The following DPY19L2 variants were observed in gnomAD, a reference collection of about 807,000 sequenced individuals.
DPY19L2 encodes the protein dpy-19 like 2, also known as probable C-mannosyltransferase DPY19L2.
A neutral mutation model predicts 97.9 loss-of-function variants in DPY19L2; 34 were observed. The observed-to-expected ratio is 0.35, with a 90% CI of 0.26 to 0.46. DPY19L2 has a LOEUF of 0.46. Ranked by LOEUF, DPY19L2 falls within the 20% of genes least tolerant of loss-of-function variation. The pLI, the probability that DPY19L2 is intolerant of heterozygous loss-of-function variation, is 1.00. For missense variants in DPY19L2, 623 were observed against 911.4 expected (o/e 0.68, Z 4.07); for synonymous variants, 230 against 307.9 (o/e 0.75, Z 2.65).
At chr12:63,638,069 A>T (rs1211604242) in intron 6 of DPY19L2, among the ~76,000 whole-genome samples, 2 of 152,170 alleles carry the variant, frequency 1.3e-5, no homozygotes, top group Non-Finnish European at 2.9e-5. Flanking sequence ...CAAATCAATA[A>T]ATGTAATCCA....
chr12:63,621,489 A>G, intron 8 of DPY19L2, 152 bp from the exon 9 acceptor site: 1 of 667,470 alleles, frequency 1.5e-6, no homozygotes, highest in South Asian at 1.8e-5. Flanking sequence ...AGTATACTAA[A>G]AAGAACTTGA....
At chr12:63,624,718 T>A (rs1474851421) in intron 7 of DPY19L2, among the ~76,000 whole-genome samples, 1 of 152,200 alleles carries the variant, frequency 6.6e-6, no homozygotes, top group Non-Finnish European at 1.5e-5. Context: ...AATAAAGGTA[T>A]TAAATTTTCA....
chr12:63,590,147 A>T (rs1486775721), intron 16 of DPY19L2, among the ~76,000 whole-genome samples: 1 of 152,010 alleles, frequency 6.6e-6, no homozygotes, highest in Non-Finnish European at 1.5e-5. Context: ...AACAACAACA[A>T]CAAAAACCCA....
rs1885917206 is a variant in DPY19L2 at position 63,605,684 on chromosome 12, C to T, written c.1278+2932G>A. ...AAAATGGCTGATTCCAAGGCTAGCA[C>T]AAGGAAAATCAAGAAAAGCCTGGAG... On this transcript the variant is annotated intron_variant, in intron 12 of 21. Transcript: ENST00000324472. 2.0e-5 allele frequency among the ~76,000 whole-genome samples: 3 copies of T among 151,862 alleles called. No individual in the cohort carries two copies. In the South Asian group the frequency reaches 6.2e-4, roughly 32 times the overall value.
chr12:63,649,440 T>C (rs1893879386), intron 4 of DPY19L2, among the ~76,000 whole-genome samples: 1 of 151,554 alleles, frequency 6.6e-6, no homozygotes, highest in African/African-American at 2.4e-5. Flanking sequence ...GCTAGACTAA[T>C]AAAGAAAAAG....
At chr12:63,604,322 G>A (rs1362625457) in intron 12 of DPY19L2, among the ~76,000 whole-genome samples, 1 of 151,962 alleles carries the variant, frequency 6.6e-6, no homozygotes, top group Admixed American at 6.5e-5. Context: ...GATTTCTCTG[G>A]GTTTGTCTTA....
chr12:63,653,691 C>T (rs1328292090), intron 4 of DPY19L2, among the ~76,000 whole-genome samples: 1 of 152,042 alleles, frequency 6.6e-6, no homozygotes, highest in African/African-American at 2.4e-5. Flanking sequence ...AACAAATCCA[C>T]ACTAAAACAC....
intron 16 of DPY19L2, among the ~76,000 whole-genome samples, chr12:63,592,012 AG>A (rs1207018370): frequency 3.2e-4 from 1 of 3,124 alleles, no homozygotes; most frequent in African/African-American, 1.5e-3. Flanking sequence ...AAGGGAGGGG[AG>A]GGGAGGGGAG....
chr12:63,668,026 C>G (rs1896534083), intron 1 of DPY19L2, 31 bp downstream of exon 1: 2 of 1,585,358 alleles, frequency 1.3e-6, no homozygotes, highest in East Asian at 2.2e-5. Context: ...CCATGCGGCT[C>G]CCTCCTAGGG....
At chr12:63,655,811 T>C (rs1425067497) in intron 4 of DPY19L2, among the ~76,000 whole-genome samples, 1 of 152,112 alleles carries the variant, frequency 6.6e-6, no homozygotes, top group Non-Finnish European at 1.5e-5. Context: ...TGGAGGATGC[T>C]TTCTGAGCAC....
At chr12:63,625,739 C>T (rs1429296199) in intron 7 of DPY19L2, among the ~76,000 whole-genome samples, 1 of 152,076 alleles carries the variant, frequency 6.6e-6, no homozygotes. Flanking sequence ...TGTGTCCCTG[C>T]TGTCAGGCCT....
At chr12:63,562,818 G>A (rs899868730) in intron 21 of DPY19L2, among the ~76,000 whole-genome samples, 15 of 140,194 alleles carry the variant, frequency 1.1e-4, no homozygotes, top group Non-Finnish European at 1.8e-4. Flanking sequence ...TTTTTTCTGA[G>A]ACAAGGTCTT....
At chr12:63,655,921 G>A (rs144097739) in intron 4 of DPY19L2, among the ~76,000 whole-genome samples, 2 of 152,294 alleles carry the variant, frequency 1.3e-5, no homozygotes, top group Admixed American at 1.3e-4. Flanking sequence ...TTTACCGACT[G>A]ACTGGTGAAC....
intron 6 of DPY19L2, among the ~76,000 whole-genome samples, chr12:63,639,161 C>G (rs1892265083): frequency 6.6e-6 from 1 of 152,106 alleles, no homozygotes; most frequent in Non-Finnish European, 1.5e-5. Context: ...ATGTAGGAAG[C>G]TGAAACTGAA....
In DPY19L2 at chr12:63,665,821, A is replaced by G. The variant is rs1289224236; in HGVS notation, c.362+14T>C. On this transcript the variant is annotated intron_variant, in intron 2 of 21. Coordinates refer to ENST00000324472, the MANE Select transcript of DPY19L2 (RefSeq NM_173812.5). ...AAATGTTTTTAAATATTTCAAACTG[A>G]AACTAAATCTTACCAATGTAAAATT... is the stretch of plus-strand genomic sequence containing the variant. The G allele has an allele frequency of 6.4e-7, 1 of 1,574,288 alleles. No homozygotes were observed. The highest frequency in any genetic ancestry group is 2.3e-5 in the East Asian group (1 of 43,814).
intron 9 of DPY19L2, among the ~76,000 whole-genome samples, chr12:63,620,386 C>T (rs759771946): frequency 2.6e-5 from 4 of 152,090 alleles, no homozygotes; most frequent in Non-Finnish European, 5.9e-5. Flanking sequence ...AGGATTGGCC[C>T]TTGGCATGCT....
At chr12:63,634,178 C>T (rs982847479) in intron 6 of DPY19L2, among the ~76,000 whole-genome samples, 1 of 152,004 alleles carries the variant, frequency 6.6e-6, no homozygotes, top group Admixed American at 6.6e-5. Flanking sequence ...CTAACCTGCA[C>T]GTTGTGCACA....
At position 63,668,146 on chromosome 12, in the gene DPY19L2, T is replaced by C; in HGVS notation, c.248A>G (p.Gln83Arg). The C allele has an allele frequency of 6.2e-7, 1 of 1,614,012 alleles. No homozygotes were observed. The change falls in exon 1 of 22, where the codon CAG becomes CGG. Residue 83 changes from glutamine (Q) to arginine (R), a missense_variant. By Grantham distance (43) the Gln-to-Arg change is conservative. Around this residue, in one of 6 missense-constraint regions of DPY19L2, gnomAD observed 144 missense variants for 119.4 expected, o/e 1.21. Transcript: ENST00000324472. The part of the protein sequence containing the change: ...VAKTFLLGPF[Q>R]FVRNSLAQLR... ...CTGCGCCAGGGAATTACGGACGAAC[T>C]GGAAGGGGCCGAGAAGAAAGGTCTT...
intron 16 of DPY19L2, among the ~76,000 whole-genome samples, chr12:63,588,793 G>C (rs1222151057): frequency 7.5e-6 from 1 of 132,548 alleles, no homozygotes; most frequent in African/African-American, 2.9e-5. Flanking sequence ...TCACTCTGTC[G>C]CCCAGGCTGG....
Sources: allele counts gnomAD v4.1 joint callset (sites outside exome capture counted in the v4.1 genomes callset), GRCh38; gene constraint gnomAD v4.1.1; regional missense constraint gnomAD v4.1.1; transcripts MANE v1.5; gene names NCBI Gene and HGNC (gene_info 2026-07-23, HGNC 2026-07-21).